AVEN: variants seen among roughly 807,000 people sequenced by gnomAD.
The protein encoded by AVEN is cell death regulator Aven.
AVEN carries 41 observed loss-of-function variants against 38.1 expected under a neutral mutation model. The ratio of observed to expected loss-of-function variants is 1.08; its 90% CI spans 0.84 to 1.40. The LOEUF is 1.40. Ranked by LOEUF, AVEN falls within the 40% of genes most tolerant of loss-of-function variation. The pLI, the probability that AVEN is intolerant of heterozygous loss-of-function variation, is 0.00. For missense variants in AVEN, 605 were observed against 438.8 expected (o/e 1.38, Z -3.38); for synonymous variants, 206 against 171.8 (o/e 1.20, Z -1.56).
At position 34,025,291 on chromosome 15, in the gene AVEN, C is replaced by G. The variant is rs142806282; in HGVS notation, c.267+13489G>C. Among the ~76,000 whole-genome samples the G allele has an allele frequency of 3.3e-3, 500 of 152,238 alleles. 1 individual carries two copies. The highest frequency in any genetic ancestry group is 0.012 in the African/African-American group (485 of 41,528). ...TGCAAACTATAGAAACCAACTCTGG[C>G]TAATTTAGGTAGAAAAGGAATTTAC... is the stretch of plus-strand genomic sequence containing the variant. On this transcript the variant is annotated intron_variant, in intron 1 of 5. Transcript: ENST00000306730.
At chr15:34,044,829 T>A (rs1899627447) in intron 5 of AVEN, among the ~76,000 whole-genome samples, 1 of 152,116 alleles carries the variant, frequency 6.6e-6, no homozygotes, top group Admixed American at 6.6e-5. Flanking sequence ...GGCGGGAGGA[T>A]CATGAGGTCA....
chr15:33,963,402 G>T (rs956935089), intron 2 of AVEN, among the ~76,000 whole-genome samples: 2 of 152,162 alleles, frequency 1.3e-5, no homozygotes, highest in African/African-American at 4.8e-5. Context: ...TCTCTGTGGG[G>T]TCTGCCTTGT....
intron 2 of AVEN, among the ~76,000 whole-genome samples, chr15:33,998,524 T>C (rs1026783863): frequency 6.6e-6 from 1 of 152,158 alleles, no homozygotes; most frequent in Non-Finnish European, 1.5e-5. Context: ...CAGCCCATTA[T>C]TCTCCTTTCC....
At chr15:33,913,186 G>A (rs1388163730) in intron 2 of AVEN, among the ~76,000 whole-genome samples, 9 of 152,136 alleles carry the variant, frequency 5.9e-5, no homozygotes, top group Non-Finnish European at 1.3e-4. Flanking sequence ...ACTGTGCCCA[G>A]CTGGCATAAT....
At chr15:33,923,958 C>T (rs1475992160) in intron 2 of AVEN, among the ~76,000 whole-genome samples, 2 of 99,476 alleles carry the variant, frequency 2.0e-5, no homozygotes, top group East Asian at 7.1e-4. Context: ...GCTCAGGGCT[C>T]CCACTGATTC....
chr15:33,852,327 C>G, the AVEN span: 1 of 152,124 alleles, frequency 6.6e-6, no homozygotes, highest in Non-Finnish European at 1.5e-5. Flanking sequence ...CTGAAGATGA[C>G]AGTTCTTTCT....
chr15:33,991,299 C>T (rs1374153879), intron 2 of AVEN: 5 of 151,932 alleles, frequency 3.3e-5, no homozygotes, highest in African/African-American at 7.3e-5. Context: ...TTTTGCAAAA[C>T]AAGAATGAAG....
the AVEN span, chr15:33,851,878 A>C: frequency 2.0e-5 from 3 of 152,210 alleles, no homozygotes; most frequent in African/African-American, 7.2e-5. Context: ...ACAAGGAAGA[A>C]AGTCAAAATA....
At position 34,019,039 on chromosome 15, in the gene AVEN, G is replaced by GT. The variant is rs72523303; in HGVS notation, c.268-15831dup. ...CTAGACACAGAGCGCTGATTGGTGC[G>GT]TTTTTTTTACAGAGTGCTGATTGGT... On this transcript the variant is annotated intron_variant, in intron 1 of 5. Coordinates refer to ENST00000306730, the MANE Select transcript of AVEN (RefSeq NM_020371.3). 7.2e-3 allele frequency among the ~76,000 whole-genome samples: 1,086 copies of GT among 151,078 alleles called. 22 individuals are homozygous for GT. The highest frequency in any genetic ancestry group is 0.046 in the Admixed American group (690 of 15,154).
At chr15:33,983,215 C>CATATATAT (rs148035145) in intron 2 of AVEN, among the ~76,000 whole-genome samples, 6 of 111,780 alleles carry the variant, frequency 5.4e-5, no homozygotes, top group Admixed American at 4.6e-4. Flanking sequence ...TATATATATA[C>CATATATAT]ATATATATAC....
At chr15:33,944,600 G>A (rs182203024) in intron 2 of AVEN, among the ~76,000 whole-genome samples, 5 of 152,298 alleles carry the variant, frequency 3.3e-5, no homozygotes, top group Admixed American at 2.0e-4. Context: ...ACGAGGTCAG[G>A]AGATGAAGAC....
chr15:33,861,117 G>T, intron 11 of AVEN: 2 of 1,597,496 alleles, frequency 1.3e-6, no homozygotes, highest in South Asian at 2.3e-5. Context: ...TGACTACTTT[G>T]ACACAACCCC....
chr15:34,026,246 C>T (rs1898467143), intron 1 of AVEN, among the ~76,000 whole-genome samples: 1 of 151,972 alleles, frequency 6.6e-6, no homozygotes, highest in South Asian at 2.1e-4. Context: ...GAATATACAT[C>T]AAATGTTAAC....
At chr15:33,962,919 C>CAAAAAAAAAAAAAAAAAA (rs57807791) in intron 2 of AVEN, among the ~76,000 whole-genome samples, 1 of 81,948 alleles carries the variant, frequency 1.2e-5, no homozygotes, top group African/African-American at 5.4e-5. Flanking sequence ...AACTCGTTCT[C>CAAAAAAAAAAAAAAAAAA]AAAAAAAAAA....
At chr15:33,971,679 A>ATCT (rs1249687589) in intron 2 of AVEN, among the ~76,000 whole-genome samples, 1 of 152,100 alleles carries the variant, frequency 6.6e-6, no homozygotes, top group Non-Finnish European at 1.5e-5. Context: ...ATTTACTTAT[A>ATCT]TCTTCATTAT....
chr15:33,858,890 C>T (rs944222617), exon 12 of AVEN: 2 of 152,476 alleles, frequency 1.3e-5, no homozygotes, highest in South Asian at 4.1e-4. Context: ...AAAAACTCTC[C>T]ATGTGCTTTC....
At chr15:33,856,420 G>T (rs1242400706), downstream of AVEN, 1 of 152,274 alleles carries the variant, frequency 6.6e-6, no homozygotes, top group Non-Finnish European at 1.5e-5. Flanking sequence ...TGCAGGTCCT[G>T]TGTACTCCTC....
At chr15:33,993,192 C>A (rs962013494) in intron 2 of AVEN, among the ~76,000 whole-genome samples, 1 of 152,280 alleles carries the variant, frequency 6.6e-6, no homozygotes, top group Non-Finnish European at 1.5e-5. Context: ...TCTCATAGAT[C>A]TTACTTTTTA....
chr15:33,953,135 G>A (rs1487722817), intron 2 of AVEN, among the ~76,000 whole-genome samples: 2 of 152,120 alleles, frequency 1.3e-5, no homozygotes, highest in Non-Finnish European at 2.9e-5. Context: ...ACGAAATAAA[G>A]AGGACACAAA....
Sources: allele counts gnomAD v4.1 joint callset (sites outside exome capture counted in the v4.1 genomes callset), GRCh38; gene constraint gnomAD v4.1.1; transcripts MANE v1.5; gene names NCBI Gene and HGNC (gene_info 2026-07-23, HGNC 2026-07-21).